TOX2: variants seen among roughly 807,000 people sequenced by gnomAD.
The protein encoded by TOX2 is TOX high mobility group box family member 2.
In TOX2, 15 loss-of-function variants were observed where a neutral mutation model predicts 47.4. That is an observed-to-expected ratio of 0.32 (90% CI 0.21 to 0.49). The LOEUF (loss-of-function observed/expected upper bound fraction) is 0.49. TOX2 is among the 20% of genes least tolerant of loss of function. The pLI, the probability that TOX2 is intolerant of heterozygous loss-of-function variation, is 0.99. For missense variants in TOX2, 622 were observed against 673.1 expected, an observed-to-expected ratio of 0.92 and a Z score of 0.84; for synonymous variants, 290 against 296.6, an observed-to-expected ratio of 0.98 and a Z score of 0.23.
At position 43,915,284 on chromosome 20, in the gene TOX2, C is replaced by A. The variant is rs186339380; in HGVS notation, c.99+294C>A. On this transcript the variant is annotated intron_variant, in intron 1 of 8. Coordinates refer to ENST00000341197, the MANE Select transcript of TOX2 (RefSeq NM_001098797.2). The surrounding 1 kb of genome is among the most constrained non-coding windows in gnomAD (Gnocchi z 7.1). ...ACAGTGACCCACAGCCACACGCAGG[C>A]GGCCAGGCACTGCTTACACGGTCCC... 6.6e-6 allele frequency among the ~76,000 whole-genome samples: 1 copy of A among 152,302 alleles called. No individual in the cohort carries two copies. The highest frequency in any genetic ancestry group is 1.5e-5 in the Non-Finnish European group (1 of 68,030).
intron 1 of TOX2, among the ~76,000 whole-genome samples, chr20:43,932,774 GC>G (rs201585312): frequency 4.9e-5 from 7 of 144,152 alleles, no homozygotes; most frequent in African/African-American, 1.6e-4. Context: ...AGGGGTTGCT[GC>G]CCCCCCCCGC....
At position 44,043,598 on chromosome 20, in the gene TOX2, G is replaced by A. The variant is rs6031317; in HGVS notation, c.412-7708G>A. On this transcript the variant is annotated intron_variant, in intron 3 of 8. Transcript: ENST00000341197. ...TAGGTCCACGTTGGTCAGGTTAACC[G>A]TCTACAGAATTCCATTATGTGAATA... 9.9e-5 allele frequency among the ~76,000 whole-genome samples: 15 copies of A among 152,182 alleles called. No homozygotes were observed. The East Asian group carries it at 2.5e-3, about 26-fold the overall frequency.
At chr20:43,969,144 CAT>C (rs1389025048) in intron 1 of TOX2, among the ~76,000 whole-genome samples, 6 of 152,236 alleles carry the variant, frequency 3.9e-5, no homozygotes, top group African/African-American at 1.4e-4. Context: ...AGGTCTCTGA[CAT>C]GTGCACACTC....
intron 2 of TOX2, among the ~76,000 whole-genome samples, chr20:43,984,594 AC>A (rs2070232576): frequency 6.6e-6 from 1 of 152,166 alleles, no homozygotes; most frequent in African/African-American, 2.4e-5. Context: ...TGCCTATGAG[AC>A]GTTTAAATAT....
chr20:44,029,636 T>A (rs2071119212), intron 3 of TOX2, among the ~76,000 whole-genome samples: 1 of 152,118 alleles, frequency 6.6e-6, no homozygotes, highest in African/African-American at 2.4e-5. Flanking sequence ...GCTTCTGCAG[T>A]TAGGATCCCC....
chr20:44,026,390 C>T (rs555744721), intron 3 of TOX2, among the ~76,000 whole-genome samples: 58 of 151,216 alleles, frequency 3.8e-4, no homozygotes, highest in African/African-American at 1.4e-3. Flanking sequence ...CGTATATTCT[C>T]ACTCATAAGT....
chr20:44,041,407 A>G (rs1315761390), intron 3 of TOX2, among the ~76,000 whole-genome samples: 2 of 152,202 alleles, frequency 1.3e-5, no homozygotes, highest in Non-Finnish European at 2.9e-5. Flanking sequence ...GCAGGCCTCA[A>G]ATGAGAGGCA....
At chr20:43,954,854 A>C (rs1048293198) in intron 1 of TOX2, among the ~76,000 whole-genome samples, 1 of 152,146 alleles carries the variant, frequency 6.6e-6, no homozygotes, top group Non-Finnish European at 1.5e-5. Flanking sequence ...TAGCTATGAG[A>C]CCTTGCACAA....
chr20:44,065,772 C>T lies in TOX2; in HGVS notation c.1021C>T (p.Pro341Ser), dbSNP rs1361065308. 3.7e-6 allele frequency: 6 copies of T among 1,609,108 alleles called. No individual in the cohort carries two copies. The highest frequency in any genetic ancestry group is 5.1e-6 in the Non-Finnish European group (6 of 1,176,162). The stretch of plus-strand genomic sequence containing the variant: ...GGCAAACCCACCAGCCAAAATGCTC[C>T]CACCCAAGCAGCCCATGTATGCCAT... ...TQANPPAKML[P>S]PKQPMYAMPG... The change falls in exon 7 of 9, where the codon CCA (proline) becomes TCA (serine). Residue 341 changes from proline (P) to serine (S), a missense_variant. Pro to Ser is a moderately conservative substitution (Grantham distance 74). This residue lies in a region of TOX2 where 294 missense variants were observed against 300.0 expected (regional missense o/e 0.98). Transcript: ENST00000341197.
chr20:44,051,160 C>T (rs2071501863), intron 3 of TOX2, 146 bp from the exon 4 acceptor site: 1 of 1,271,718 alleles, frequency 7.9e-7, no homozygotes, highest in Non-Finnish European at 1.1e-6. Flanking sequence ...GAGGCTCCAT[C>T]TTGAGATTCA....
At chr20:44,001,494 A>C (rs1328447671) in intron 2 of TOX2, among the ~76,000 whole-genome samples, 1 of 152,212 alleles carries the variant, frequency 6.6e-6, no homozygotes, top group African/African-American at 2.4e-5. Flanking sequence ...AGTTATTTTT[A>C]AGTGTGCTAA....
intron 2 of TOX2, among the ~76,000 whole-genome samples, chr20:43,975,203 C>A (rs1382418049): frequency 6.6e-6 from 1 of 152,054 alleles, no homozygotes; most frequent in Admixed American, 6.6e-5. Context: ...AATGTCCTTC[C>A]ACCAAGAAGG....
intron 3 of TOX2, among the ~76,000 whole-genome samples, chr20:44,035,759 G>T (rs2071229207): frequency 6.6e-6 from 1 of 152,220 alleles, no homozygotes; most frequent in Admixed American, 6.5e-5. Flanking sequence ...ATATGGGCCA[G>T]CCAGGTGGCT....
intron 1 of TOX2, among the ~76,000 whole-genome samples, chr20:43,951,848 C>A (rs942915246): frequency 6.6e-6 from 1 of 150,506 alleles, no homozygotes; most frequent in African/African-American, 2.4e-5. Flanking sequence ...ATTAGGACTA[C>A]AGGTACATAC....
chr20:43,925,254 A>AG (rs940633591), intron 1 of TOX2, among the ~76,000 whole-genome samples: 1 of 151,852 alleles, frequency 6.6e-6, no homozygotes, highest in South Asian at 2.1e-4. Flanking sequence ...TGTAAATGGG[A>AG]GGGGGGCATC....
At chr20:44,066,617 C>T (rs2071827009) in intron 7 of TOX2, 113 bp from the exon 8 acceptor site, 4 of 1,514,308 alleles carry the variant, frequency 2.6e-6, no homozygotes, top group South Asian at 1.1e-5. Context: ...CTGGAGGCAG[C>T]ATCTCTTTGG....
chr20:43,956,030 C>T (rs1205393109), intron 1 of TOX2, among the ~76,000 whole-genome samples: 2 of 152,198 alleles, frequency 1.3e-5, no homozygotes, highest in African/African-American at 4.8e-5. Context: ...TGAATGGGCC[C>T]TTCCCTCCAG....
intron 2 of TOX2, among the ~76,000 whole-genome samples, chr20:43,978,945 T>A (rs1471262391): frequency 6.6e-6 from 1 of 151,996 alleles, no homozygotes; most frequent in South Asian, 2.1e-4. Flanking sequence ...GCAGAGGGGA[T>A]GGAAAGAAGT....
chr20:44,028,837 A>T (rs2145679904), intron 3 of TOX2, among the ~76,000 whole-genome samples: 1 of 152,250 alleles, frequency 6.6e-6, no homozygotes, highest in South Asian at 2.1e-4. Flanking sequence ...ATTTTTAGTT[A>T]TCCACCTGCT....
Sources: allele counts gnomAD v4.1 joint callset (sites outside exome capture counted in the v4.1 genomes callset), GRCh38; gene constraint gnomAD v4.1.1; regional missense constraint gnomAD v4.1.1; non-coding constraint Gnocchi (gnomAD v3.1); transcripts MANE v1.5; gene names NCBI Gene and HGNC (gene_info 2026-07-23, HGNC 2026-07-21).